PLCB1: variants seen among roughly 807,000 people sequenced by gnomAD.
The protein encoded by PLCB1 is 1-phosphatidylinositol 4,5-bisphosphate phosphodiesterase beta-1.
Under a neutral mutation model 161.8 loss-of-function variants are expected in PLCB1, and 46 were observed. That is an observed-to-expected ratio of 0.28 (90% confidence interval 0.22 to 0.36). The LOEUF is 0.36. Among genes scored for constraint, PLCB1 ranks in the 10% least tolerant of loss-of-function variants. The pLI is 1.00. For synonymous variants in PLCB1, 517 were observed against 503.7 expected (o/e 1.03, Z -0.35); for missense variants, 1,016 against 1,472.5 (o/e 0.69, Z 5.07).
intron 3 of PLCB1, among the ~76,000 whole-genome samples, chr20:8,580,251 A>G (rs1986793087): frequency 6.6e-6 from 1 of 152,228 alleles, no homozygotes; most frequent in Non-Finnish European, 1.5e-5. Flanking sequence ...AGGCATGACT[A>G]ATACAACCTT....
At chr20:8,757,001 G>C in intron 23 of PLCB1, 45 bp from the exon 24 acceptor site, 1 of 1,533,896 alleles carries the variant, frequency 6.5e-7, no homozygotes, top group Non-Finnish European at 8.8e-7. Flanking sequence ...GGCAAGAAAA[G>C]AATAAAAAGA....
intron 13 of PLCB1, among the ~76,000 whole-genome samples, chr20:8,717,274 C>T (rs1169565830): frequency 6.6e-6 from 1 of 152,184 alleles, no homozygotes; most frequent in Non-Finnish European, 1.5e-5. Flanking sequence ...GAAGCTTCTG[C>T]CCGTCTTTAC....
chr20:8,284,002 T>A (rs1982997571), intron 2 of PLCB1, among the ~76,000 whole-genome samples: 1 of 151,992 alleles, frequency 6.6e-6, no homozygotes, highest in Non-Finnish European at 1.5e-5. Context: ...GTTAGTCTTT[T>A]CTTTCAATAT....
At chr20:8,361,166 C>T (rs1288478020) in intron 2 of PLCB1, among the ~76,000 whole-genome samples, 7 of 152,228 alleles carry the variant, frequency 4.6e-5, no homozygotes, top group Admixed American at 3.9e-4. Flanking sequence ...TTGACACAGT[C>T]TGGCCTCTAG....
chr20:8,390,955 C>CA (rs1404854894), intron 3 of PLCB1, among the ~76,000 whole-genome samples: 4 of 151,382 alleles, frequency 2.6e-5, no homozygotes, highest in Non-Finnish European at 4.4e-5. Context: ...GACTAAATGA[C>CA]AAAATGCACG....
At chr20:8,712,035 GC>G (rs1979044181) in intron 12 of PLCB1, among the ~76,000 whole-genome samples, 5 of 152,174 alleles carry the variant, frequency 3.3e-5, no homozygotes, top group Admixed American at 3.3e-4. Context: ...GGGCACGGTG[GC>G]TCACGCCTGT....
At chr20:8,770,642 G>A (rs979330964) in intron 26 of PLCB1, among the ~76,000 whole-genome samples, 1 of 152,120 alleles carries the variant, frequency 6.6e-6, no homozygotes, top group African/African-American at 2.4e-5. Context: ...TGGAAAGGCG[G>A]GACAACTCGA....
At chr20:8,523,713 G>A (rs950266429) in intron 3 of PLCB1, among the ~76,000 whole-genome samples, 2 of 151,308 alleles carry the variant, frequency 1.3e-5, no homozygotes, top group Admixed American at 6.6e-5. Context: ...CCCACTAAAA[G>A]GGGACAAATG....
chr20:8,684,848 A>G, intron 9 of PLCB1, 84 bp from the exon 10 acceptor site: 1 of 1,042,548 alleles, frequency 9.6e-7, no homozygotes, highest in Non-Finnish European at 1.4e-6. Flanking sequence ...ACTACAAGAT[A>G]TTTCTGGAAA....
At chr20:8,135,857 G>A (rs4142365) in intron 1 of PLCB1, among the ~76,000 whole-genome samples, 17,515 of 152,142 alleles carry the variant, frequency 0.12, 1,406 homozygotes, top group East Asian at 0.38. Flanking sequence ...GGGTATTTGT[G>A]GGAGAATTCT....
At chr20:8,181,929 A>G (rs539156293) in intron 2 of PLCB1, among the ~76,000 whole-genome samples, 60 of 152,322 alleles carry the variant, frequency 3.9e-4, no homozygotes, top group African/African-American at 1.4e-3. Context: ...TGATTGTGCC[A>G]CTGCACTCCA....
At chr20:8,226,522 A>G (rs1003123278) in intron 2 of PLCB1, among the ~76,000 whole-genome samples, 1 of 152,130 alleles carries the variant, frequency 6.6e-6, no homozygotes, top group Non-Finnish European at 1.5e-5. Context: ...TCCCTGAAGA[A>G]GTTTCCAGGA....
chr20:8,702,069 A>G (rs894415429), intron 11 of PLCB1, among the ~76,000 whole-genome samples: 7 of 152,226 alleles, frequency 4.6e-5, no homozygotes, highest in African/African-American at 7.2e-5. Flanking sequence ...TCTGTGTGAT[A>G]GATCCCAAAA....
intron 3 of PLCB1, among the ~76,000 whole-genome samples, chr20:8,561,597 C>T (rs1223116471): frequency 1.3e-5 from 2 of 152,004 alleles, no homozygotes; most frequent in African/African-American, 2.4e-5. Context: ...GTGAAAATAA[C>T]AGGGTTTGTG....
chr20:8,469,414 G>A (rs1236960334), intron 3 of PLCB1, among the ~76,000 whole-genome samples: 1 of 152,048 alleles, frequency 6.6e-6, no homozygotes, highest in Non-Finnish European at 1.5e-5. Flanking sequence ...TCCTAGTCGT[G>A]TTATTCTCAC....
chr20:8,207,755 A>G (rs1978610450), intron 2 of PLCB1, among the ~76,000 whole-genome samples: 1 of 151,878 alleles, frequency 6.6e-6, no homozygotes, highest in Non-Finnish European at 1.5e-5. Flanking sequence ...TAATTTTTTA[A>G]TATTTAGTAG....
chr20:8,141,505 C>A (rs1355649563), intron 1 of PLCB1, among the ~76,000 whole-genome samples: 2 of 151,776 alleles, frequency 1.3e-5, no homozygotes, highest in Admixed American at 1.3e-4. Flanking sequence ...CACCTGTAAT[C>A]CCGACCACTC....
chr20:8,629,478 G>T (rs1159649118), intron 4 of PLCB1, among the ~76,000 whole-genome samples: 1 of 152,140 alleles, frequency 6.6e-6, no homozygotes, highest in African/African-American at 2.4e-5. Context: ...AATTGTCATT[G>T]AAAGAATACT....
chr20:8,846,508 T>A (rs1416285734), intron 31 of PLCB1, among the ~76,000 whole-genome samples: 1 of 152,112 alleles, frequency 6.6e-6, no homozygotes, highest in Non-Finnish European at 1.5e-5. Flanking sequence ...ATAGAGTAGG[T>A]CTAGGTGCAC....
Sources: gnomAD v4.1 joint callset for allele counts (sites outside exome capture counted in the v4.1 genomes callset) on GRCh38, gnomAD v4.1.1 for gene constraint, MANE v1.5 for transcripts, NCBI Gene and HGNC (gene_info 2026-07-23, HGNC 2026-07-21) for gene names.